Variants in TENM2 observed in about 807,000 individuals in gnomAD.
TENM2 encodes the protein teneurin transmembrane protein 2, also known as teneurin-2.
A neutral mutation model predicts 245.2 loss-of-function variants in TENM2; 52 were observed. That is an observed-to-expected ratio of 0.21 (90% confidence interval 0.17 to 0.27). The LOEUF is 0.27. Ranked by LOEUF, TENM2 falls within the 10% of genes least tolerant of loss-of-function variation. The pLI, the probability that TENM2 is intolerant of heterozygous loss-of-function variation, is 1.00. For missense variants in TENM2, 3,046 were observed against 3,666.8 expected (o/e 0.83, Z 4.37); for synonymous variants, 1,363 against 1,438.9 (o/e 0.95, Z 1.19).
intron 3 of TENM2, among the ~76,000 whole-genome samples, chr5:167,919,121 A>G (rs920259443): frequency 2.6e-5 from 4 of 152,144 alleles, no homozygotes; most frequent in Non-Finnish European, 4.4e-5. Flanking sequence ...TGTATCCTTT[A>G]TCATCCCAAA....
intron 2 of TENM2, among the ~76,000 whole-genome samples, chr5:167,817,048 C>T (rs1252779270): frequency 1.3e-5 from 2 of 152,170 alleles, no homozygotes; most frequent in East Asian, 1.9e-4. Context: ...CAGAAGGACT[C>T]GTAATTCATG....
intron 2 of TENM2, among the ~76,000 whole-genome samples, chr5:167,508,735 A>G (rs1769723637): frequency 6.6e-6 from 1 of 152,210 alleles, no homozygotes; most frequent in East Asian, 1.9e-4. Flanking sequence ...TCTGTTTTAC[A>G]GAATAGTGGT....
intron 2 of TENM2, among the ~76,000 whole-genome samples, chr5:167,585,220 A>G (rs988151296): frequency 1.3e-5 from 2 of 152,042 alleles, no homozygotes; most frequent in African/African-American, 4.8e-5. Context: ...TAGAATCGTT[A>G]TTTTAGTTGG....
chr5:168,205,529 T>C (rs1464653878), intron 19 of TENM2, among the ~76,000 whole-genome samples: 1 of 152,104 alleles, frequency 6.6e-6, no homozygotes, highest in Non-Finnish European at 1.5e-5. Context: ...GGTGAATTAG[T>C]TGGAGAAACC....
chr5:167,464,079 G>A (rs951910967), intron 2 of TENM2, among the ~76,000 whole-genome samples: 2 of 152,172 alleles, frequency 1.3e-5, no homozygotes. Context: ...AACCAGAGCT[G>A]CCTCAGGGGA....
At chr5:167,553,257 G>A (rs1424235796) in intron 2 of TENM2, among the ~76,000 whole-genome samples, 1 of 152,216 alleles carries the variant, frequency 6.6e-6, no homozygotes, top group Admixed American at 6.5e-5. Context: ...GTGACAGGGA[G>A]CCTACAGTTC....
intron 10 of TENM2, 121 bp downstream of exon 12, chr5:168,118,607 C>A: frequency 1.4e-6 from 1 of 696,846 alleles, no homozygotes; most frequent in Non-Finnish European, 2.2e-6. Flanking sequence ...ACATTTTGCA[C>A]AAAACAACTT....
chr5:167,063,615 T>G, the TENM2 span, among the ~76,000 whole-genome samples: 1 of 152,166 alleles, frequency 6.6e-6, no homozygotes, highest in Non-Finnish European at 1.5e-5. Context: ...TTTCAGTAAG[T>G]GGTATATTTG....
the TENM2 span, among the ~76,000 whole-genome samples, chr5:167,236,309 A>T: frequency 6.6e-6 from 1 of 152,174 alleles, no homozygotes; most frequent in Non-Finnish European, 1.5e-5. Flanking sequence ...AAGCTGGTCA[A>T]CTCAAAGAAC....
At chr5:167,867,474 C>T (rs543374510) in intron 2 of TENM2, among the ~76,000 whole-genome samples, 1 of 152,148 alleles carries the variant, frequency 6.6e-6, no homozygotes, top group African/African-American at 2.4e-5. Context: ...AACAGCATGC[C>T]ACCCTTCCAA....
In TENM2 at chr5:168,247,378, G is replaced by A. The variant is rs1044866658; in HGVS notation, c.6439G>A (p.Val2147Met). The A allele has an allele frequency of 8.7e-6, 14 of 1,613,802 alleles. No homozygotes were observed. Among genetic ancestry groups the A allele is most frequent in the South Asian group, 3.3e-5 (3 of 91,078 alleles). ...CATCAACCAGATCATCACCACTGCC[G>A]TGATGACCCTCAGCAAACACTTCGA... is the stretch of plus-strand genomic sequence containing the variant. Residue 2147 changes from valine (V) to methionine (M), a missense_variant, in exon 27 of 29, where the codon GTG becomes ATG. Physicochemically the swap from Val to Met is conservative, Grantham distance 21 (BLOSUM62 1). Coordinates refer to ENST00000518659, the Ensembl canonical transcript of TENM2. The surrounding 1 kb of genome is among the most constrained non-coding windows in gnomAD (Gnocchi z 7.8).
chr5:168,099,153 G>A (rs866190355), intron 9 of TENM2, among the ~76,000 whole-genome samples: 4 of 151,752 alleles, frequency 2.6e-5, no homozygotes, highest in South Asian at 2.1e-4. Flanking sequence ...CAAGTCATCC[G>A]CCCACCTTAT....
chr5:167,881,007 A>G (rs983282269), intron 3 of TENM2, among the ~76,000 whole-genome samples: 3 of 152,158 alleles, frequency 2.0e-5, no homozygotes, highest in Non-Finnish European at 4.4e-5. Flanking sequence ...CCTCTCATGA[A>G]AACTTCAGGA....
At chr5:167,594,854 C>T (rs955963925) in intron 2 of TENM2, among the ~76,000 whole-genome samples, 1 of 152,174 alleles carries the variant, frequency 6.6e-6, no homozygotes, top group Non-Finnish European at 1.5e-5. Context: ...TTTTGATACA[C>T]CAAAGCCCTT....
At chr5:167,510,123 T>C (rs988875334) in intron 2 of TENM2, among the ~76,000 whole-genome samples, 1 of 152,234 alleles carries the variant, frequency 6.6e-6, no homozygotes, top group Non-Finnish European at 1.5e-5. Context: ...TAAATATTCG[T>C]TCAATTGAAT....
At chr5:168,208,790 G>C (rs1039817355) in intron 19 of TENM2, among the ~76,000 whole-genome samples, 5 of 152,046 alleles carry the variant, frequency 3.3e-5, no homozygotes, top group African/African-American at 1.2e-4. Context: ...TGAAGCCTAA[G>C]ACTAATACAA....
chr5:167,239,239 T>C, the TENM2 span, among the ~76,000 whole-genome samples: 1 of 152,230 alleles, frequency 6.6e-6, no homozygotes, highest in African/African-American at 2.4e-5. Context: ...TAATTTGGAC[T>C]GTGTTGATTT....
At chr5:168,211,887 C>G in intron 20 of TENM2, 133 bp downstream of exon 22, 1 of 563,148 alleles carries the variant, frequency 1.8e-6, no homozygotes, top group Non-Finnish European at 3.1e-6. Flanking sequence ...TTTTTATGTG[C>G]TAATTGTGTG....
At chr5:167,764,409 T>C (rs1762868806) in intron 2 of TENM2, among the ~76,000 whole-genome samples, 1 of 152,198 alleles carries the variant, frequency 6.6e-6, no homozygotes, top group Non-Finnish European at 1.5e-5. Flanking sequence ...TTAAATTGAC[T>C]GGATTGTCAG....
Sources: allele counts gnomAD v4.1 joint callset (sites outside exome capture counted in the v4.1 genomes callset), GRCh38; gene constraint gnomAD v4.1.1; non-coding constraint Gnocchi (gnomAD v3.1); transcripts MANE v1.5; gene names NCBI Gene and HGNC (gene_info 2026-07-23, HGNC 2026-07-21).